The following CCDC178 variants were observed in gnomAD, a reference collection of about 807,000 sequenced individuals.
CCDC178 encodes coiled-coil domain-containing protein 178.
A neutral mutation model predicts 117.4 loss-of-function variants in CCDC178; 126 were observed. The ratio of observed to expected loss-of-function variants is 1.07; its 90% CI spans 0.93 to 1.24. The LOEUF (loss-of-function observed/expected upper bound fraction) is 1.24. Among genes scored for constraint, CCDC178 ranks in the 50% most tolerant of loss-of-function variants. The pLI is 0.00. For synonymous variants in CCDC178, 283 were observed against 313.4 expected (o/e 0.90, Z 1.02); for missense variants, 1,030 against 986.9 (o/e 1.04, Z -0.59).
Position 33,157,234 on chromosome 18 carries a change from GA to G in CCDC178, c.2238+54661del, listed in dbSNP as rs750567559. ...TGATTGATCTTCCAAATTAAACCTA[GA>G]AATACTTCTGCCTTTGACTTTCCAG... is the stretch of plus-strand genomic sequence containing the variant. On this transcript the variant is annotated intron_variant, in intron 20 of 22. Coordinates refer to ENST00000383096, the MANE Select transcript of CCDC178 (RefSeq NM_001105528.4). Among the ~76,000 whole-genome samples the G allele has an allele frequency of 2.0e-5, 3 of 152,158 alleles. No individual in the cohort carries two copies. The East Asian group carries it at 5.8e-4, about 29-fold the overall frequency.
chr18:33,419,261 C>T (rs1348978959), intron 2 of CCDC178, among the ~76,000 whole-genome samples: 7 of 151,910 alleles, frequency 4.6e-5, no homozygotes, highest in South Asian at 2.1e-4. Context: ...AACTGGACCC[C>T]GTCCCTACAC....
intron 20 of CCDC178, among the ~76,000 whole-genome samples, chr18:33,176,868 G>T (rs914861893): frequency 6.6e-6 from 1 of 152,002 alleles, no homozygotes; most frequent in Admixed American, 6.6e-5. Flanking sequence ...CACATTCAAG[G>T]TCTATAAGTG....
At position 33,348,776 on chromosome 18, in the gene CCDC178, CATA is replaced by C. The variant is rs1367747177; in HGVS notation, c.457+111_457+113del. On this transcript the variant is annotated intron_variant, in intron 8 of 22. Coordinates refer to ENST00000383096, the MANE Select transcript of CCDC178 (RefSeq NM_001105528.4). ...AGGACTATTTTGTCTATTAAACATT[CATA>C]ATAATTATAAAATTCTTAAACATGA... 1.3e-5 allele frequency: 9 copies of C among 687,962 alleles called. No individual in the cohort carries two copies. In the African/African-American group the frequency reaches 1.5e-4, roughly 11 times the overall value. The allele number at this position is 687,962 out of a possible 1,614,324, so 42.6% of individuals were successfully genotyped here. A position where few individuals can be genotyped will look rare whatever the true frequency, so the allele number is the denominator to read the frequency against.
At chr18:33,044,016 TAAC>T (rs1318273880) in intron 21 of CCDC178, among the ~76,000 whole-genome samples, 1 of 146,100 alleles carries the variant, frequency 6.8e-6, no homozygotes, top group East Asian at 2.0e-4. Flanking sequence ...GATGTGTTGT[TAAC>T]AATATATATA....
chr18:33,151,196 T>G (rs1048723393), intron 20 of CCDC178, among the ~76,000 whole-genome samples: 3 of 152,026 alleles, frequency 2.0e-5, no homozygotes, highest in African/African-American at 4.8e-5. Context: ...ACCAAAGAAC[T>G]TATCCATGTA....
Position 33,021,589 on chromosome 18 carries a change from G to A in CCDC178, c.2389-46908C>T, listed in dbSNP as rs74452675. Reference sequence around the variant, plus strand: ...ACACAAAACTTTTCCCTTGACTATTGGTCTGTGACAAAAGTATCACTCCCC... The same window carrying A: ...ACACAAAACTTTTCCCTTGACTATTAGTCTGTGACAAAAGTATCACTCCCC... On this transcript the variant is annotated intron_variant, in intron 21 of 22. Transcript: ENST00000383096. Among the ~76,000 whole-genome samples the A allele has an allele frequency of 2.4e-3, 363 of 152,090 alleles. 1 individual carries two copies. Among genetic ancestry groups the A allele is most frequent in the African/African-American group, 8.4e-3 (349 of 41,528 alleles).
intron 15 of CCDC178, among the ~76,000 whole-genome samples, chr18:33,232,147 G>A (rs2059374696): frequency 6.6e-6 from 1 of 152,158 alleles, no homozygotes; most frequent in Non-Finnish European, 1.5e-5. Context: ...TATCTCAGAA[G>A]CTGGAAAGAG....
chr18:32,985,861 G>A (rs189676772), intron 21 of CCDC178, among the ~76,000 whole-genome samples: 58 of 152,178 alleles, frequency 3.8e-4, no homozygotes, highest in African/African-American at 1.3e-3. Flanking sequence ...ACTGGGCTAT[G>A]TGACTTAGTG....
intron 14 of CCDC178, among the ~76,000 whole-genome samples, chr18:33,250,257 G>T (rs2059604608): frequency 6.6e-6 from 1 of 151,768 alleles, no homozygotes; most frequent in Non-Finnish European, 1.5e-5. Flanking sequence ...GTGTAAAGAT[G>T]TTCAATAGTA....
chr18:33,282,678 C>T (rs1391156593), intron 12 of CCDC178, among the ~76,000 whole-genome samples: 1 of 152,164 alleles, frequency 6.6e-6, no homozygotes, highest in Non-Finnish European at 1.5e-5. Context: ...GGCAACTCAC[C>T]ACATCACTAC....
At chr18:33,382,501 C>T (rs4799695) in intron 5 of CCDC178, among the ~76,000 whole-genome samples, 145,087 of 152,170 alleles carry the variant, frequency 0.95, 69,547 homozygotes, top group Middle Eastern at 1. Context: ...TTCATCTCAT[C>T]GTGACTGACT....
At chr18:33,071,793 C>T (rs2057113642) in intron 21 of CCDC178, among the ~76,000 whole-genome samples, 1 of 152,090 alleles carries the variant, frequency 6.6e-6, no homozygotes, top group Non-Finnish European at 1.5e-5. Context: ...AACTCCCAAG[C>T]ACTGATTCTT....
chr18:33,304,051 A>C (rs1473074060), intron 11 of CCDC178, among the ~76,000 whole-genome samples: 3 of 152,160 alleles, frequency 2.0e-5, no homozygotes, highest in Admixed American at 6.5e-5. Flanking sequence ...GGAATAGTGC[A>C]TTGTATTTCC....
chr18:33,039,987 AT>A (rs1401454272), intron 21 of CCDC178, among the ~76,000 whole-genome samples: 1 of 151,850 alleles, frequency 6.6e-6, no homozygotes, highest in African/African-American at 2.4e-5. Flanking sequence ...AAAATCCAGG[AT>A]TTATAAAAAA....
At chr18:33,128,816 T>C (rs2058038390) in intron 20 of CCDC178, among the ~76,000 whole-genome samples, 1 of 152,152 alleles carries the variant, frequency 6.6e-6, no homozygotes, top group Non-Finnish European at 1.5e-5. Context: ...CAATTTTCTT[T>C]TTTTGTAAAT....
intron 21 of CCDC178, among the ~76,000 whole-genome samples, chr18:32,978,599 T>G (rs938279861): frequency 6.6e-6 from 1 of 152,166 alleles, no homozygotes; most frequent in Non-Finnish European, 1.5e-5. Flanking sequence ...ATCAAACATT[T>G]TACTAAATAA....
chr18:33,144,241 T>G (rs2058244400), intron 20 of CCDC178, among the ~76,000 whole-genome samples: 3 of 152,136 alleles, frequency 2.0e-5, no homozygotes, highest in African/African-American at 7.2e-5. Flanking sequence ...CATCTCCAAC[T>G]GTGAACTAAT....
At chr18:33,325,749 A>T (rs1182688019) in intron 10 of CCDC178, among the ~76,000 whole-genome samples, 1 of 152,170 alleles carries the variant, frequency 6.6e-6, no homozygotes, top group African/African-American at 2.4e-5. Flanking sequence ...TTGAGAGTAT[A>T]ATTATTTTTT....
intron 22 of CCDC178, among the ~76,000 whole-genome samples, chr18:32,950,592 A>T (rs2054459486): frequency 6.6e-6 from 1 of 152,144 alleles, no homozygotes; most frequent in Admixed American, 6.5e-5. Flanking sequence ...CAACAGTTAC[A>T]GTTACCCAAG....
Sources: gnomAD v4.1 joint callset for allele counts (sites outside exome capture counted in the v4.1 genomes callset) on GRCh38, gnomAD v4.1.1 for gene constraint, MANE v1.5 for transcripts, NCBI Gene and HGNC (gene_info 2026-07-23, HGNC 2026-07-21) for gene names.